The following KIF26B variants were observed in gnomAD, a reference collection of about 807,000 sequenced individuals.
KIF26B encodes the protein kinesin family member 26B, also known as kinesin-like protein KIF26B.
KIF26B carries 63 observed loss-of-function variants against 151.2 expected under a neutral mutation model. The observed-to-expected ratio is 0.42, with a 90% CI of 0.34 to 0.51. The LOEUF is 0.51. Among genes scored for constraint, KIF26B ranks in the 20% least tolerant of loss-of-function variants. KIF26B has a pLI of 0.07. For synonymous variants in KIF26B, 1,357 were observed against 1,262.1 expected, an observed-to-expected ratio of 1.08 and a Z score of -1.59; for missense variants, 2,813 against 2,913.6, an observed-to-expected ratio of 0.97 and a Z score of 0.79.
At chr1:245,282,257 A>G (rs997685612) in intron 2 of KIF26B, among the ~76,000 whole-genome samples, 36 of 152,146 alleles carry the variant, frequency 2.4e-4, no homozygotes, top group Non-Finnish European at 4.1e-4. Context: ...TAAAGTTCAT[A>G]TGGAACCAAA....
Position 245,585,785 on chromosome 1 carries a change from G to A in KIF26B, c.1351-16792G>A, listed in dbSNP as rs150918092. Among the ~76,000 whole-genome samples, 480 of 152,252 alleles carry A rather than the reference G, an allele frequency of 3.2e-3. 1 individual carries two copies. The highest frequency in any genetic ancestry group is 0.011 in the African/African-American group (458 of 41,546). On this transcript the variant is annotated intron_variant, in intron 5 of 14. Coordinates refer to ENST00000407071, the MANE Select transcript of KIF26B (RefSeq NM_018012.4). Reference sequence around the variant, plus strand: ...ATCAGCATTTAATAAATATTCATTTGTTGGTTGACTGATTCATTATCCTTC... The same window carrying A: ...ATCAGCATTTAATAAATATTCATTTATTGGTTGACTGATTCATTATCCTTC...
chr1:245,687,472 G>A lies in KIF26B; in HGVS notation c.4489G>A (p.Val1497Met). 1 of 1,586,076 alleles carries A rather than the reference G, an allele frequency of 6.3e-7. No individual in the cohort carries two copies. The highest frequency in any genetic ancestry group is 8.6e-7 in the Non-Finnish European group (1 of 1,166,586). Reference protein sequence around the residue: ...GDRLSSSSGEVSASPVTDNFR... With the variant: ...GDRLSSSSGEMSASPVTDNFR... ...CAGGCTCAGCAGCAGCAGCGGAGAG[G>A]TGTCGGCCTCCCCGGTCACTGACAA... is the stretch of plus-strand genomic sequence containing the variant. Residue 1497 changes from valine (V) to methionine (M), a missense_variant, in exon 12 of 15, where the codon GTG becomes ATG. Around this residue, in one of 3 missense-constraint regions of KIF26B, gnomAD observed 2,060 missense variants for 2,088.6 expected, o/e 0.99. Coordinates refer to ENST00000407071, the MANE Select transcript of KIF26B (RefSeq NM_018012.4). This position sits in a 1 kb window ranked among gnomAD's most constrained non-coding sequence, Gnocchi z 4.9.
chr1:245,396,499 G>A (rs1673845015), intron 3 of KIF26B, among the ~76,000 whole-genome samples: 1 of 152,048 alleles, frequency 6.6e-6, no homozygotes, highest in Non-Finnish European at 1.5e-5. Context: ...AGCCAGGAGT[G>A]GTGACAGGCG....
chr1:245,295,010 G>T (rs927262451), intron 2 of KIF26B, among the ~76,000 whole-genome samples: 3 of 152,090 alleles, frequency 2.0e-5, no homozygotes, highest in Non-Finnish European at 4.4e-5. Flanking sequence ...TTCTGTTTTT[G>T]ACTGCTCTCA....
In KIF26B at chr1:245,560,702, G is replaced by C. The variant is rs934069286; in HGVS notation, c.1350+19752G>C. On this transcript the variant is annotated intron_variant, in intron 5 of 14. Transcript: ENST00000407071. This position sits in a 1 kb window ranked among gnomAD's most constrained non-coding sequence, Gnocchi z 4.3. ...TGTCAGTCTCTCCCCTCTCACGGAA[G>C]CCTGACATGTAAATCTCAAGTTGTT... Among the ~76,000 whole-genome samples, 6 of 152,148 alleles carry C rather than the reference G, an allele frequency of 3.9e-5. No homozygotes were observed. The highest frequency in any genetic ancestry group is 8.8e-5 in the Non-Finnish European group (6 of 68,042).
intron 2 of KIF26B, among the ~76,000 whole-genome samples, chr1:245,258,203 T>C (rs1670575267): frequency 6.6e-6 from 1 of 152,158 alleles, no homozygotes; most frequent in African/African-American, 2.4e-5. Flanking sequence ...CTACGGTGTT[T>C]ATGGAGTTCG....
At chr1:245,552,115 C>A (rs1661896430) in intron 5 of KIF26B, among the ~76,000 whole-genome samples, 2 of 116,574 alleles carry the variant, frequency 1.7e-5, no homozygotes. Flanking sequence ...AGAAACAGAA[C>A]CAGCAGGGTG....
chr1:245,445,054 C>T (rs1356450362), intron 4 of KIF26B, among the ~76,000 whole-genome samples: 4 of 152,166 alleles, frequency 2.6e-5, no homozygotes, highest in African/African-American at 7.2e-5. Flanking sequence ...TGTAATGTAT[C>T]GCAGAATCTG....
At chr1:245,507,649 T>C (rs555421486) in intron 4 of KIF26B, among the ~76,000 whole-genome samples, 45 of 152,200 alleles carry the variant, frequency 3.0e-4, no homozygotes, top group Admixed American at 2.9e-3. Flanking sequence ...AGAAGGCACA[T>C]CTCCATGTCC....
At chr1:245,652,149 A>T (rs10924279) in intron 10 of KIF26B, among the ~76,000 whole-genome samples, 20 of 113,784 alleles carry the variant, frequency 1.8e-4, no homozygotes, top group South Asian at 6.1e-4. Context: ...TGTGTGTGAG[A>T]GAGACATATG....
chr1:245,302,988 C>CAAA (rs74163037), intron 2 of KIF26B, among the ~76,000 whole-genome samples: 9,122 of 35,788 alleles, frequency 0.25, 1,849 homozygotes, highest in Middle Eastern at 0.41. Flanking sequence ...GACTCTGTCT[C>CAAA]AAAAAAAAAA....
chr1:245,485,529 G>T (rs10802213), intron 4 of KIF26B, among the ~76,000 whole-genome samples: 9 of 151,886 alleles, frequency 5.9e-5, no homozygotes, highest in Admixed American at 4.6e-4. Context: ...GATTACAGGC[G>T]CCTGCCACCA....
chr1:245,257,604 C>T (rs1670560107), intron 2 of KIF26B, among the ~76,000 whole-genome samples: 3 of 152,202 alleles, frequency 2.0e-5, no homozygotes, highest in Non-Finnish European at 2.9e-5. Flanking sequence ...AGCTTTGCTG[C>T]ACATCAGCCT....
intron 2 of KIF26B, among the ~76,000 whole-genome samples, chr1:245,183,291 CA>C (rs1207957530): frequency 1.3e-5 from 2 of 152,112 alleles, no homozygotes; most frequent in Non-Finnish European, 2.9e-5. Context: ...TTGTTTGAAG[CA>C]CAATAGTTTT....
intron 9 of KIF26B, among the ~76,000 whole-genome samples, chr1:245,615,821 C>T (rs907979056): frequency 1.3e-5 from 2 of 152,180 alleles, no homozygotes; most frequent in African/African-American, 2.4e-5. Context: ...ACGGCCTCCC[C>T]GCCTGGGACT....
At chr1:245,523,608 G>A (rs892385320) in intron 4 of KIF26B, among the ~76,000 whole-genome samples, 2 of 152,268 alleles carry the variant, frequency 1.3e-5, no homozygotes, top group East Asian at 1.9e-4. Context: ...GTGCCTTCTC[G>A]CTGTGTCTTC....
chr1:245,613,080 G>T (rs897259013), intron 9 of KIF26B, among the ~76,000 whole-genome samples: 3 of 152,162 alleles, frequency 2.0e-5, no homozygotes, highest in African/African-American at 7.2e-5. Flanking sequence ...CTGCTGGGCT[G>T]GCCGGGCAGT....
chr1:245,685,322 CT>C, intron 11 of KIF26B, 82 bp from the exon 12 acceptor site: 1 of 1,192,674 alleles, frequency 8.4e-7, no homozygotes, highest in Non-Finnish European at 1.2e-6. Flanking sequence ...CGTCAGGGGC[CT>C]TCACCACTTG....
intron 10 of KIF26B, among the ~76,000 whole-genome samples, chr1:245,681,073 AGCTACAGT>A (rs2044429543): frequency 6.6e-6 from 1 of 152,044 alleles, no homozygotes; most frequent in Non-Finnish European, 1.5e-5. Flanking sequence ...TTCAGGTAGG[AGCTACAGT>A]GCTCATGGGG....
Sources: gnomAD v4.1 joint callset for allele counts (sites outside exome capture counted in the v4.1 genomes callset) on GRCh38, gnomAD v4.1.1 for gene constraint, gnomAD v4.1.1 regional missense constraint, Gnocchi (gnomAD v3.1) non-coding constraint, MANE v1.5 for transcripts, NCBI Gene and HGNC (gene_info 2026-07-23, HGNC 2026-07-21) for gene names.